The following AP2A1 variants were observed in gnomAD, a reference collection of about 807,000 sequenced individuals.
The protein encoded by AP2A1 is AP-2 complex subunit alpha-1.
In AP2A1, 21 loss-of-function variants were observed where a neutral mutation model predicts 107.3. The observed-to-expected ratio is 0.20, with a 90% confidence interval of 0.14 to 0.28. AP2A1 has a LOEUF of 0.28. Among genes scored for constraint, AP2A1 ranks in the 10% least tolerant of loss-of-function variants. The pLI, the probability that AP2A1 is intolerant of heterozygous loss-of-function variation, is 1.00. For missense variants in AP2A1, 873 were observed against 1,307.7 expected, an observed-to-expected ratio of 0.67 and a Z score of 5.13; for synonymous variants, 602 against 564.8, an observed-to-expected ratio of 1.07 and a Z score of -0.93.
In AP2A1 at chr19:49,806,199, T is replaced by C; in HGVS notation, c.2736T>C (p.Thr912=). The part of the protein sequence containing the change: ...ENFVGAGIIQ[T]KALQVGCLLR... ...TCGTGGGGGCGGGGATCATCCAGAC[T>C]AAAGCCCTGCAGGTGGGCTGTCTGC... Residue 912 remains threonine, a synonymous_variant, in exon 22 of 23, where the codon ACT becomes ACC. Transcript: ENST00000354293. The C allele has an allele frequency of 6.2e-7, 1 of 1,602,524 alleles. No individual in the cohort carries two copies. The highest frequency in any genetic ancestry group is 1.3e-5 in the African/African-American group (1 of 74,864).
intron 10 of AP2A1, 74 bp downstream of exon 10, chr19:49,799,840 C>T: frequency 6.4e-7 from 1 of 1,567,260 alleles, no homozygotes; most frequent in Non-Finnish European, 8.7e-7. Flanking sequence ...ATTCCTAAGT[C>T]TAAGGGAGGA....
chr19:49,787,346 TG>T (rs767439739), intron 4 of AP2A1, among the ~76,000 whole-genome samples: 2,498 of 106,564 alleles, frequency 0.023, 147 homozygotes, highest in Non-Finnish European at 0.024. Context: ...TTGTTTTTTT[TG>T]TTTTTTGTTT....
intron 3 of AP2A1, 48 bp from the exon 4 acceptor site, chr19:49,782,483 C>A (rs368704813): frequency 8.3e-5 from 131 of 1,572,442 alleles, no homozygotes; most frequent in Non-Finnish European, 1.1e-4. Context: ...GGATCTGGGG[C>A]CACTCAGTCA....
rs767020601 is a variant in AP2A1 at position 49,806,221 on chromosome 19, C to T, written c.2758C>T (p.Leu920=). 1 of 1,607,458 alleles carries T rather than the reference C, an allele frequency of 6.2e-7. No homozygotes were observed. The highest frequency in any genetic ancestry group is 2.2e-5 in the East Asian group (1 of 44,610). ...GACTAAAGCCCTGCAGGTGGGCTGT[C>T]TGCTTCGGCTGGAGCCCAATGCCCA... ...IQTKALQVGC[L]LRLEPNAQAQ... is the part of the protein sequence containing the mutation. The change falls in exon 22 of 23, where the codon CTG becomes TTG. Residue 920 remains leucine (L), a synonymous_variant. Coordinates refer to ENST00000354293, the MANE Select transcript of AP2A1 (RefSeq NM_130787.3).
intron 4 of AP2A1, among the ~76,000 whole-genome samples, chr19:49,790,614 G>A (rs904566638): frequency 6.6e-6 from 1 of 152,104 alleles, no homozygotes; most frequent in Non-Finnish European, 1.5e-5. Flanking sequence ...TGCCCAGGCT[G>A]GTCTCCAACT....
rs759979382 is a variant in AP2A1 at position 49,788,881 on chromosome 19, G to C, written c.474-3054G>C. On this transcript the variant is annotated intron_variant, in intron 4 of 22. Coordinates refer to ENST00000354293, the MANE Select transcript of AP2A1 (RefSeq NM_130787.3). The surrounding 1 kb of genome is among the most constrained non-coding windows in gnomAD (Gnocchi z 4.5). ...CAGTGAACGTTTCTGTAGGGTGAGC[G>C]TCTGGGGGCAGCACTGCTGGTCTTG... 6.6e-6 allele frequency among the ~76,000 whole-genome samples: 1 copy of C among 152,200 alleles called. No individual in the cohort carries two copies. The highest frequency in any genetic ancestry group is 1.5e-5 in the Non-Finnish European group (1 of 68,028).
At chr19:49,803,236 G>A (rs758287070) in intron 17 of AP2A1, 47 bp downstream of exon 17, 2 of 1,613,620 alleles carry the variant, frequency 1.2e-6, no homozygotes, top group African/African-American at 1.3e-5. Flanking sequence ...AGACCTTGGG[G>A]AAGGGGTCAG....
chr19:49,795,590 CACCCCAG>C, intron 6 of AP2A1, 33 bp from the exon 7 acceptor site: 1 of 755,900 alleles, frequency 1.3e-6, no homozygotes, highest in South Asian at 1.5e-5. Flanking sequence ...GTGCCCCTCC[CACCCCAG>C]CCCCCAACTT....
rs754542699 is a variant in AP2A1 at position 49,801,064 on chromosome 19, G to A, written c.1553+6G>A. ...GCTGGGGACCCCCGCTCCAGGTGAG[G>A]GAGCCTCAGCCTGCAGGGGAGAACA... On this transcript the variant is annotated splice_donor_region_variant and intron_variant, in intron 12 of 22. Transcript: ENST00000354293. The A allele has an allele frequency of 6.3e-7, 1 of 1,598,958 alleles. No individual in the cohort carries two copies. The highest frequency in any genetic ancestry group is 8.5e-7 in the Non-Finnish European group (1 of 1,172,928).
rs1047566610 is a variant in AP2A1 at position 49,785,861 on chromosome 19, G to A, written c.473+3137G>A. On this transcript the variant is annotated intron_variant, in intron 4 of 22. Coordinates refer to ENST00000354293, the MANE Select transcript of AP2A1 (RefSeq NM_130787.3). The surrounding 1 kb of genome is among the most constrained non-coding windows in gnomAD (Gnocchi z 4.1). ...GAACCCAGGAGGTGGAGGTTGCAGT[G>A]AGTGGAGATTGTGCCACTGCACTCC... Among the ~76,000 whole-genome samples, 16 of 151,982 alleles carry A rather than the reference G, an allele frequency of 1.1e-4. No individual in the cohort carries two copies. The highest frequency in any genetic ancestry group is 3.3e-4 in the Admixed American group (5 of 15,238).
chr19:49,791,658 C>T (rs2073143644), intron 4 of AP2A1, among the ~76,000 whole-genome samples: 1 of 152,154 alleles, frequency 6.6e-6, no homozygotes, highest in Admixed American at 6.5e-5. Flanking sequence ...CCCATGGGCA[C>T]CCAGTAGGTG....
Position 49,805,691 on chromosome 19 carries a change from G to T in AP2A1, c.2499G>T (p.Leu833=). 1 of 1,567,538 alleles carries T rather than the reference G, an allele frequency of 6.4e-7. No individual in the cohort carries two copies. The highest frequency in any genetic ancestry group is 1.2e-5 in the South Asian group (1 of 85,098). ...RYGGAPQALT[L]KLPVTINKFF... is the part of the protein sequence containing the mutation. ...GTGGCGCCCCCCAGGCCCTCACCCT[G>T]AAGCTCCCAGTGACCATCAACAAGT... Residue 833 remains leucine (L), a synonymous_variant, in exon 20 of 23, where the codon CTG becomes CTT. Coordinates refer to ENST00000354293, the MANE Select transcript of AP2A1 (RefSeq NM_130787.3).
At chr19:49,797,719 C>T (rs2073229102) in intron 7 of AP2A1, among the ~76,000 whole-genome samples, 1 of 151,518 alleles carries the variant, frequency 6.6e-6, no homozygotes, top group South Asian at 2.1e-4. Flanking sequence ...GAGTGAGACT[C>T]TGTCTCAAAA....
chr19:49,793,863 A>G (rs888744936), intron 6 of AP2A1, among the ~76,000 whole-genome samples: 9 of 151,086 alleles, frequency 6.0e-5, no homozygotes, highest in Non-Finnish European at 1.3e-4. Context: ...AGGCAAAGAG[A>G]AGAACACACC....
intron 15 of AP2A1, chr19:49,802,719 T>TTGG: frequency 1.7e-6 from 2 of 1,161,090 alleles, no homozygotes; most frequent in Non-Finnish European, 1.2e-6. Context: ...AGGCAGGGAC[T>TTGG]TGGAGGAAAG....
In AP2A1 at chr19:49,799,693, G is replaced by C; in HGVS notation, c.1199G>C (p.Ser400Thr). The C allele has an allele frequency of 6.2e-7, 1 of 1,613,248 alleles. No individual in the cohort carries two copies. The highest frequency in any genetic ancestry group is 2.2e-5 in the East Asian group (1 of 44,878). The change falls in exon 10 of 23, where the codon AGC (serine) becomes ACC (threonine). Residue 400 changes from serine to threonine, a missense_variant. Physicochemically the swap from Ser to Thr is moderately conservative, Grantham distance 58 (BLOSUM62 1). Transcript: ENST00000354293. ...CTCCTCTACGCCATGTGTGACCGGA[G>C]CAATGCCAAGCAGATCGTGTCGGAG... ...ADLLYAMCDR[S>T]NAKQIVSEML...
chr19:49,796,014 A>C, intron 7 of AP2A1: 1 of 417,522 alleles, frequency 2.4e-6, no homozygotes, highest in Non-Finnish European at 4.4e-6. Flanking sequence ...GGGACTGTTA[A>C]CTGTGCCTGT....
At chr19:49,774,997 G>A (rs1467725215) in intron 1 of AP2A1, among the ~76,000 whole-genome samples, 1 of 151,960 alleles carries the variant, frequency 6.6e-6, no homozygotes, top group Non-Finnish European at 1.5e-5. Flanking sequence ...GCCGAGGCGG[G>A]CAGTTTGGTT....
At chr19:49,777,061 T>C (rs2123676622) in intron 1 of AP2A1, among the ~76,000 whole-genome samples, 1 of 148,758 alleles carries the variant, frequency 6.7e-6, no homozygotes, top group Non-Finnish European at 1.5e-5. Context: ...AAACCCTGTC[T>C]CTACTAAAAA....
Sources: allele counts gnomAD v4.1 joint callset (sites outside exome capture counted in the v4.1 genomes callset), GRCh38; gene constraint gnomAD v4.1.1; non-coding constraint Gnocchi (gnomAD v3.1); transcripts MANE v1.5; gene names NCBI Gene and HGNC (gene_info 2026-07-23, HGNC 2026-07-21).